Variants in CORO2B observed in about 807,000 individuals in gnomAD.
CORO2B encodes the protein coronin-2B.
A neutral mutation model predicts 58.8 loss-of-function variants in CORO2B; 26 were observed. That is an observed-to-expected ratio of 0.44 (90% confidence interval 0.32 to 0.61). The LOEUF (loss-of-function observed/expected upper bound fraction) is 0.61. Ranked by LOEUF, CORO2B falls within the 20% of genes least tolerant of loss-of-function variation. The probability of loss-of-function intolerance (pLI) is 0.04; values close to 1 mark genes in which losing one functional copy is unlikely to be tolerated. For missense variants in CORO2B, 460 were observed against 645.1 expected (o/e 0.71, Z 3.11); for synonymous variants, 242 against 253.8 (o/e 0.95, Z 0.44).
At chr15:68,694,897 C>T (rs1213137433) in intron 2 of CORO2B, among the ~76,000 whole-genome samples, 1 of 152,222 alleles carries the variant, frequency 6.6e-6, no homozygotes, top group Non-Finnish European at 1.5e-5. Context: ...CGAGCAGCAG[C>T]CTGTCCCACC....
At chr15:68,722,429 C>T (rs74020302) in intron 11 of CORO2B, among the ~76,000 whole-genome samples, 2,641 of 152,186 alleles carry the variant, frequency 0.017, 90 homozygotes, top group African/African-American at 0.061. Flanking sequence ...CAAAGGTGGA[C>T]GCATTGATCT....
At chr15:68,713,356 C>T (rs1034202712) in intron 5 of CORO2B, among the ~76,000 whole-genome samples, 5 of 152,222 alleles carry the variant, frequency 3.3e-5, no homozygotes, top group Non-Finnish European at 1.5e-5. Flanking sequence ...CCCTCTCGCT[C>T]CCTGTTCCCC....
chr15:68,552,479 G>GA, the CORO2B span, among the ~76,000 whole-genome samples: 29 of 147,608 alleles, frequency 2.0e-4, no homozygotes, highest in Admixed American at 4.0e-4. Flanking sequence ...CGGGGGGGTG[G>GA]GGGGGGCAGG....
chr15:68,600,111 G>A (rs758392056), intron 1 of CORO2B, among the ~76,000 whole-genome samples: 1 of 152,196 alleles, frequency 6.6e-6, no homozygotes, highest in Non-Finnish European at 1.5e-5. Context: ...CTTGCAGATG[G>A]ATGATCCCAC....
chr15:68,532,600 T>C, the CORO2B span, among the ~76,000 whole-genome samples: 2 of 152,260 alleles, frequency 1.3e-5, no homozygotes, highest in African/African-American at 4.8e-5. Flanking sequence ...AATCTTGTCA[T>C]CTCTGTCATT....
At chr15:68,696,065 C>T (rs1892501591) in intron 3 of CORO2B, among the ~76,000 whole-genome samples, 1 of 137,310 alleles carries the variant, frequency 7.3e-6, no homozygotes, top group African/African-American at 2.7e-5. Flanking sequence ...GTGAGACCCC[C>T]GTCTCTACAA....
At chr15:68,702,868 C>A (rs75046358) in intron 3 of CORO2B, among the ~76,000 whole-genome samples, 15 of 140,580 alleles carry the variant, frequency 1.1e-4, no homozygotes, top group African/African-American at 3.5e-4. Flanking sequence ...ACTTTGGCAC[C>A]CAGGCTGGAG....
Position 68,711,934 on chromosome 15 carries a change from C to G in CORO2B, c.648+228C>G, listed in dbSNP as rs190582249. 2.0e-3 allele frequency among the ~76,000 whole-genome samples: 311 copies of G among 152,282 alleles called. 1 individual carries two copies. The highest frequency in any genetic ancestry group is 3.4e-3 in the Middle Eastern group (1 of 294). ...ACCCTTTCCTGTCCCCACTGCACCC[C>G]CTACCTCCAGACAGGATTCTTCTGG... On this transcript the variant is annotated intron_variant, in intron 5 of 11. Coordinates refer to ENST00000261861, the MANE Select transcript of CORO2B (RefSeq NM_006091.5).
Position 68,718,682 on chromosome 15 carries a change from T to C in CORO2B, c.968-16T>C, listed in dbSNP as rs1020186394. On this transcript the variant is annotated splice_polypyrimidine_tract_variant and intron_variant, in intron 8 of 11. Transcript: ENST00000261861. ...GTTTCTGGGACCCCATGGAGCCACA[T>C]GTGTGCCTGTTACAGGGGTCATGCC... is the stretch of plus-strand genomic sequence containing the variant. 1 of 1,606,848 alleles carries C rather than the reference T, an allele frequency of 6.2e-7. No individual in the cohort carries two copies.
At chr15:68,577,789 CTAT>C (rs1468651935), upstream of CORO2B, among the ~76,000 whole-genome samples, 1 of 151,624 alleles carries the variant, frequency 6.6e-6, no homozygotes, top group Non-Finnish European at 1.5e-5. Context: ...GCTGGTTACT[CTAT>C]TATTATTGCT....
chr15:68,615,398 A>G (rs191927432), intron 1 of CORO2B, among the ~76,000 whole-genome samples: 1 of 152,314 alleles, frequency 6.6e-6, no homozygotes, highest in African/African-American at 2.4e-5. Context: ...GTGTAGGGCA[A>G]TCACACAGTG....
chr15:68,665,071 G>A (rs1285936457), intron 2 of CORO2B, among the ~76,000 whole-genome samples: 1 of 152,092 alleles, frequency 6.6e-6, no homozygotes, highest in Non-Finnish European at 1.5e-5. Context: ...AGATTATAAA[G>A]AAGTAACCTT....
In CORO2B at chr15:68,645,280, T is replaced by A; in HGVS notation, c.136T>A (p.Cys46Ser). 1 of 1,614,160 alleles carries A rather than the reference T, an allele frequency of 6.2e-7. No individual in the cohort carries two copies. The highest frequency in any genetic ancestry group is 8.5e-7 in the Non-Finnish European group (1 of 1,180,020). Residue 46 changes from cysteine (C) to serine (S), a missense_variant, in exon 2 of 12, where the codon TGT (cysteine) becomes AGT (serine). Around this residue, in one of 2 missense-constraint regions of CORO2B, gnomAD observed 352 missense variants for 543.0 expected, o/e 0.65. Transcript: ENST00000261861. This position sits in a 1 kb window ranked among gnomAD's most constrained non-coding sequence, Gnocchi z 4.5. The stretch of plus-strand genomic sequence containing the variant: ...CAAGAATGTGCACGACAACCACTTC[T>A]GTGCCGTCAACACCCGCTTCCTGGC... ...ITKNVHDNHF[C>S]AVNTRFLAIV...
At chr15:68,537,651 G>A in the CORO2B span, among the ~76,000 whole-genome samples, 4 of 152,076 alleles carry the variant, frequency 2.6e-5, no homozygotes, top group East Asian at 1.9e-4. Flanking sequence ...CCTCCCCACC[G>A]CCTCCCCCAC....
At chr15:68,568,640 T>C in the CORO2B span, among the ~76,000 whole-genome samples, 1 of 152,344 alleles carries the variant, frequency 6.6e-6, no homozygotes, top group East Asian at 1.9e-4. Context: ...AACTTCTTTT[T>C]ATAGGCATTA....
intron 1 of CORO2B, among the ~76,000 whole-genome samples, chr15:68,627,102 C>T (rs1900704578): frequency 6.6e-6 from 1 of 152,214 alleles, no homozygotes; most frequent in Admixed American, 6.5e-5. Flanking sequence ...ACAATAATGT[C>T]AGATTCATGA....
the CORO2B span, among the ~76,000 whole-genome samples, chr15:68,568,615 C>T: frequency 6.6e-6 from 1 of 152,194 alleles, no homozygotes. Flanking sequence ...GTCAATAAAC[C>T]ATCCTACCAT....
upstream of CORO2B, among the ~76,000 whole-genome samples, chr15:68,574,963 C>T (rs1041421420): frequency 1.2e-4 from 18 of 152,164 alleles, 2 homozygotes; most frequent in Admixed American, 1.1e-3. Flanking sequence ...ACTAATACTG[C>T]AACGTCTTAT....
intron 1 of CORO2B, among the ~76,000 whole-genome samples, chr15:68,598,120 G>A (rs1468115948): frequency 6.6e-6 from 1 of 152,198 alleles, no homozygotes; most frequent in Non-Finnish European, 1.5e-5. Context: ...CATAGACTTG[G>A]CTCTGAGAGC....
Sources: gnomAD v4.1 joint callset for allele counts (sites outside exome capture counted in the v4.1 genomes callset) on GRCh38, gnomAD v4.1.1 for gene constraint, gnomAD v4.1.1 regional missense constraint, Gnocchi (gnomAD v3.1) non-coding constraint, MANE v1.5 for transcripts, NCBI Gene and HGNC (gene_info 2026-07-23, HGNC 2026-07-21) for gene names.